The following ZNF521 variants were observed in gnomAD, a reference collection of about 807,000 sequenced individuals.
The protein encoded by ZNF521 is LYST-interacting protein 3.
ZNF521 carries 14 observed loss-of-function variants against 105.5 expected under a neutral mutation model. The observed-to-expected ratio is 0.13, with a 90% CI of 0.09 to 0.21. The LOEUF (loss-of-function observed/expected upper bound fraction) is 0.21, where lower values mean the gene tolerates loss of function less well. Among genes scored for constraint, ZNF521 ranks in the 10% least tolerant of loss-of-function variants. The pLI is 1.00. For missense variants in ZNF521, 1,233 were observed against 1,629.7 expected (o/e 0.76, Z 4.19); for synonymous variants, 635 against 606.0 (o/e 1.05, Z -0.70).
chr18:25,225,383 A>C lies in ZNF521; in HGVS notation c.2535T>G (p.Asn845Lys). The change falls in exon 4 of 8, where the codon AAT becomes AAG. Residue 845 changes from asparagine to lysine, a missense_variant. Transcript: ENST00000361524. This position sits in a 1 kb window ranked among gnomAD's most constrained non-coding sequence, Gnocchi z 5.6. ...FETKTPNCGTNGASEQVQKEE... is the reference protein window; with the variant it reads ...FETKTPNCGTKGASEQVQKEE... The stretch of plus-strand genomic sequence containing the variant: ...CTTTCTGCACTTGCTCGGAAGCTCC[A>C]TTTGTTCCACAGTTGGGTGTCTTGG... 6.2e-7 allele frequency: 1 copy of C among 1,614,110 alleles called. No homozygotes were observed. The highest frequency in any genetic ancestry group is 8.5e-7 in the Non-Finnish European group (1 of 1,180,004).
At position 25,090,981 on chromosome 18, in the gene ZNF521, G is replaced by A. The variant is rs1430988508; in HGVS notation, c.3790+969C>T. Among the ~76,000 whole-genome samples the A allele has an allele frequency of 2.6e-5, 4 of 152,324 alleles. No homozygotes were observed. In the East Asian group the frequency reaches 5.8e-4, roughly 22 times the overall value. On this transcript the variant is annotated intron_variant, in intron 6 of 7. Coordinates refer to ENST00000361524, the MANE Select transcript of ZNF521 (RefSeq NM_015461.3). ...TGAAGGAGCCAAACAGGCAACTGTTGAAGGCAGAGCCATCAACGTACTCAG... is the reference window on the plus strand; with the variant it reads ...TGAAGGAGCCAAACAGGCAACTGTTAAAGGCAGAGCCATCAACGTACTCAG...
intron 5 of ZNF521, among the ~76,000 whole-genome samples, chr18:25,104,737 C>G (rs1359565208): frequency 2.0e-5 from 3 of 152,060 alleles, no homozygotes; most frequent in Non-Finnish European, 4.4e-5. Flanking sequence ...TGATCTGAAC[C>G]AGTAACAAAA....
At chr18:25,068,210 A>C (rs959689214) in intron 7 of ZNF521, among the ~76,000 whole-genome samples, 3 of 152,202 alleles carry the variant, frequency 2.0e-5, no homozygotes, top group African/African-American at 7.2e-5. Context: ...AAGAAATATA[A>C]AGATTAAATG....
chr18:25,142,585 A>G (rs1402702104), intron 5 of ZNF521, among the ~76,000 whole-genome samples: 1 of 152,136 alleles, frequency 6.6e-6, no homozygotes, highest in African/African-American at 2.4e-5. Context: ...TTCATGGAAA[A>G]GATGTGGCTA....
At chr18:25,117,050 TATATAC>T (rs1567968858) in intron 5 of ZNF521, among the ~76,000 whole-genome samples, 7 of 41,140 alleles carry the variant, frequency 1.7e-4, no homozygotes, top group African/African-American at 4.7e-4. Flanking sequence ...CACACACATA[TATATAC>T]ACACACACAC....
At chr18:25,076,270 A>G (rs1447585055) in intron 7 of ZNF521, among the ~76,000 whole-genome samples, 1 of 152,218 alleles carries the variant, frequency 6.6e-6, no homozygotes, top group East Asian at 1.9e-4. Context: ...GTTATAAAAG[A>G]AAAAGACTGT....
intron 3 of ZNF521, among the ~76,000 whole-genome samples, chr18:25,252,997 G>A (rs143893227): frequency 1.8e-3 from 267 of 152,192 alleles, no homozygotes; most frequent in African/African-American, 6.1e-3. Flanking sequence ...CTTCCTTCAC[G>A]CAGTAGTTAC....
chr18:25,190,791 T>C (rs1022861331), intron 5 of ZNF521, among the ~76,000 whole-genome samples: 21 of 152,380 alleles, frequency 1.4e-4, no homozygotes, highest in Admixed American at 7.2e-4. Flanking sequence ...TCATTCTTTA[T>C]GCCTTGACAT....
At chr18:25,340,582 A>T (rs747257797) in intron 2 of ZNF521, among the ~76,000 whole-genome samples, 4 of 152,200 alleles carry the variant, frequency 2.6e-5, no homozygotes, top group Non-Finnish European at 4.4e-5. Context: ...TGCCCCATTA[A>T]TATGAATTAT....
intron 5 of ZNF521, among the ~76,000 whole-genome samples, chr18:25,148,822 G>A (rs1450400872): frequency 3.3e-5 from 5 of 152,138 alleles, no homozygotes; most frequent in African/African-American, 1.2e-4. Context: ...CTTAACATCA[G>A]AAATGCCTAA....
At chr18:25,201,856 G>A (rs2035999003) in intron 4 of ZNF521, 1 of 152,038 alleles carries the variant, frequency 6.6e-6, no homozygotes, top group Non-Finnish European at 1.5e-5. Context: ...CTCTGCAAAT[G>A]AAAAAATAAT....
intron 4 of ZNF521, among the ~76,000 whole-genome samples, chr18:25,200,145 A>G (rs1475285374): frequency 6.6e-6 from 1 of 152,144 alleles, no homozygotes; most frequent in East Asian, 1.9e-4. Context: ...GGTCATTTGC[A>G]GGTAAATTTA....
At chr18:25,306,632 C>G (rs1160646465) in intron 3 of ZNF521, among the ~76,000 whole-genome samples, 2 of 152,040 alleles carry the variant, frequency 1.3e-5, no homozygotes, top group Admixed American at 1.3e-4. Context: ...AAATGTCCTG[C>G]CTTTACAGAT....
chr18:25,167,096 A>G (rs2035356511), intron 5 of ZNF521, among the ~76,000 whole-genome samples: 1 of 152,188 alleles, frequency 6.6e-6, no homozygotes, highest in Admixed American at 6.6e-5. Flanking sequence ...TCTTCCTAGC[A>G]CAGGTGAACC....
At chr18:25,183,276 A>G (rs2035663784) in intron 5 of ZNF521, among the ~76,000 whole-genome samples, 1 of 152,188 alleles carries the variant, frequency 6.6e-6, no homozygotes, top group Non-Finnish European at 1.5e-5. Flanking sequence ...AAATGGAAAT[A>G]CTTATTATAA....
chr18:25,182,756 T>C (rs917494436), intron 5 of ZNF521, among the ~76,000 whole-genome samples: 2 of 152,190 alleles, frequency 1.3e-5, no homozygotes, highest in Admixed American at 6.5e-5. Flanking sequence ...GGTCACTGGC[T>C]GCATATAAAA....
At chr18:25,326,964 C>A (rs1913254155) in intron 2 of ZNF521, among the ~76,000 whole-genome samples, 1 of 152,176 alleles carries the variant, frequency 6.6e-6, no homozygotes. Context: ...AGTCAACCCA[C>A]ACAGTGCCCA....
chr18:25,097,088 A>C (rs954367745), intron 5 of ZNF521, among the ~76,000 whole-genome samples: 1 of 152,256 alleles, frequency 6.6e-6, no homozygotes, highest in African/African-American at 2.4e-5. Flanking sequence ...CACATTTATA[A>C]GCTAGGGGTC....
intron 5 of ZNF521, among the ~76,000 whole-genome samples, chr18:25,143,315 T>A (rs1343758562): frequency 6.6e-6 from 1 of 152,164 alleles, no homozygotes; most frequent in African/African-American, 2.4e-5. Flanking sequence ...GTCAAGCTGG[T>A]AAGAGACGGG....
Sources: allele counts gnomAD v4.1 joint callset (sites outside exome capture counted in the v4.1 genomes callset), GRCh38; gene constraint gnomAD v4.1.1; non-coding constraint Gnocchi (gnomAD v3.1); transcripts MANE v1.5; gene names NCBI Gene and HGNC (gene_info 2026-07-23, HGNC 2026-07-21).